Variants in PDE6B observed in about 807,000 individuals in gnomAD.
The protein encoded by PDE6B is rod cGMP-specific 3',5'-cyclic phosphodiesterase subunit beta.
In PDE6B, 106 loss-of-function variants were observed where a neutral mutation model predicts 109.0. That is an observed-to-expected ratio of 0.97 (90% CI 0.83 to 1.14). The LOEUF (loss-of-function observed/expected upper bound fraction) is 1.14, where lower values mean the gene tolerates loss of function less well. Among genes scored for constraint, PDE6B ranks in the 50% most tolerant of loss-of-function variants. The pLI is 0.00. For missense variants in PDE6B, 1,193 were observed against 1,155.6 expected (o/e 1.03, Z -0.47); for synonymous variants, 490 against 471.3 (o/e 1.04, Z -0.51).
rs755908415 is a variant in PDE6B at position 667,970 on chromosome 4, GAGA to G, written c.2470_2472del (p.Lys824del). The G allele has an allele frequency of 1.3e-5, 21 of 1,612,878 alleles. No individual in the cohort carries two copies. The highest frequency in any genetic ancestry group is 3.3e-5 in the South Asian group (3 of 90,932). On this transcript the variant is annotated inframe_deletion, in exon 21 of 22. Transcript: ENST00000496514. ...TGAGGCCAAAGTGAAGGCTCTGGAG[GAGA>G]AGGAGGAGGAGGAGAGGGTGGCAGC... is the stretch of plus-strand genomic sequence containing the variant.
chr4:663,252 G>T lies in PDE6B; in HGVS notation c.1920+65G>T, dbSNP rs1737339299. 1.1e-6 allele frequency: 1 copy of T among 924,184 alleles called. No individual in the cohort carries two copies. The highest frequency in any genetic ancestry group is 1.7e-5 in the Admixed American group (1 of 58,642). 57.2% of individuals were successfully genotyped at this position (924,184 alleles called of 1,614,324 possible). A position where few individuals can be genotyped will look rare whatever the true frequency, so the allele number is the denominator to read the frequency against. ...GGACGCAGCGTCCGCAGGACGGCAG[G>T]GCCGTATCCTGCGGAGCAGGGTTCT... On this transcript the variant is annotated intron_variant, in intron 15 of 21. Transcript: ENST00000496514. This position sits in a 1 kb window ranked among gnomAD's most constrained non-coding sequence, Gnocchi z 4.0.
chr4:627,928 C>T (rs948562589), intron 1 of PDE6B, among the ~76,000 whole-genome samples: 8 of 151,970 alleles, frequency 5.3e-5, no homozygotes, highest in Non-Finnish European at 7.4e-5. Flanking sequence ...GTCCTAGGTC[C>T]GTCCCTCGGC....
Position 656,820 on chromosome 4 carries a change from C to G in PDE6B, c.1108-54C>G, listed in dbSNP as rs1183845892. 9 of 1,593,554 alleles carry G rather than the reference C, an allele frequency of 5.6e-6. No homozygotes were observed. In the East Asian group the frequency reaches 6.7e-5, roughly 12 times the overall value. On this transcript the variant is annotated intron_variant, in intron 8 of 21. Coordinates refer to ENST00000496514, the MANE Select transcript of PDE6B (RefSeq NM_000283.4). ...GAGGTCACTCTCCCCGGCCACACGC[C>G]CGGGCCAGGGCCAGCCTCAGGGCGG...
chr4:656,348 A>G, intron 8 of PDE6B, 56 bp downstream of exon 8: 1 of 1,150,886 alleles, frequency 8.7e-7, no homozygotes. Flanking sequence ...GGAGATTTTG[A>G]TTCAGCGATG....
In PDE6B at chr4:659,094, G is replaced by A. The variant is rs10023609; in HGVS notation, c.1467+77G>A. The A allele has an allele frequency of 6.8e-3, 7,331 of 1,070,852 alleles. 347 individuals are homozygous for A. The African/African-American group carries it at 0.1, about 15-fold the overall frequency. 66.3% of individuals were successfully genotyped at this position (1,070,852 alleles called of 1,614,324 possible). On this transcript the variant is annotated intron_variant, in intron 11 of 21. Coordinates refer to ENST00000496514, the MANE Select transcript of PDE6B (RefSeq NM_000283.4). ...GGGAGGAAGAGTTCTGCATTCTCCGGGACCCGACGGTGCTTTGCACACACG... is the reference window on the plus strand; with the variant it reads ...GGGAGGAAGAGTTCTGCATTCTCCGAGACCCGACGGTGCTTTGCACACACG...
intron 3 of PDE6B, among the ~76,000 whole-genome samples, chr4:643,091 C>T (rs544578847): frequency 1.7e-4 from 26 of 152,068 alleles, no homozygotes; most frequent in African/African-American, 5.5e-4. Flanking sequence ...GGGCGGATCA[C>T]GAGGTCAAGA....
At position 670,104 on chromosome 4, in the gene PDE6B, G is replaced by A. The variant is rs2109297456; in HGVS notation, c.2562G>A (p.Leu854=). Residue 854 remains leucine, a synonymous_variant, in exon 22 of 22, where the codon CTG becomes CTA. Coordinates refer to ENST00000496514, the MANE Select transcript of PDE6B (RefSeq NM_000283.4). The part of the protein sequence containing the change: ...PAPKSSTCCI[L] ...CCAAGTCTTCAACCTGCTGTATCCT[G>A]TGAGCACTGGTCCCATGGGGACCCT... The A allele has an allele frequency of 1.9e-6, 3 of 1,612,480 alleles. 1 individual carries two copies. The highest frequency in any genetic ancestry group is 4.5e-5 in the East Asian group (2 of 44,878).
Position 626,004 on chromosome 4 carries a change from C to G in PDE6B, c.378C>G (p.Pro126=). ...DSVLEDCLVP[P]DSEIVFPLDI... The stretch of plus-strand genomic sequence containing the variant: ...TCCTGGAGGACTGCCTGGTGCCCCC[C>G]GACTCCGAGATCGTCTTCCCACTGG... Residue 126 remains proline (P), a synonymous_variant, in exon 1 of 22, where the codon CCC becomes CCG. Transcript: ENST00000496514. This position sits in a 1 kb window ranked among gnomAD's most constrained non-coding sequence, Gnocchi z 4.6. 1 of 1,585,928 alleles carries G rather than the reference C, an allele frequency of 6.3e-7. No homozygotes were observed. The highest frequency in any genetic ancestry group is 1.1e-5 in the South Asian group (1 of 87,458).
intron 3 of PDE6B, among the ~76,000 whole-genome samples, chr4:638,196 G>A (rs1472820393): frequency 1.3e-5 from 2 of 152,190 alleles, no homozygotes; most frequent in African/African-American, 2.4e-5. Flanking sequence ...GACAGATGAT[G>A]TCGCACGTCT....
At chr4:657,571 C>T in intron 10 of PDE6B, 77 bp downstream of exon 10, 1 of 1,456,928 alleles carries the variant, frequency 6.9e-7, no homozygotes, top group South Asian at 1.1e-5. Context: ...CAGGGGTCAC[C>T]CAGGGGTCTC....
In PDE6B at chr4:648,452, T is replaced by G. The variant is rs1735318544; in HGVS notation, c.712-5400T>G. 6.6e-6 allele frequency among the ~76,000 whole-genome samples: 1 copy of G among 152,182 alleles called. No individual in the cohort carries two copies. Among genetic ancestry groups the G allele is most frequent in the Non-Finnish European group, 1.5e-5 (1 of 68,036 alleles). On this transcript the variant is annotated intron_variant, in intron 3 of 21. Coordinates refer to ENST00000496514, the MANE Select transcript of PDE6B (RefSeq NM_000283.4). This position sits in a 1 kb window ranked among gnomAD's most constrained non-coding sequence, Gnocchi z 4.5. ...CCCGCAGTCCGCCCAACGCCTGCAC[T>G]TCGTCTGCCTCCTCCTTGAGCTGTG...
intron 17 of PDE6B, among the ~76,000 whole-genome samples, 196 bp from the exon 18 acceptor site, chr4:664,685 G>T (rs527246130): frequency 6.6e-6 from 1 of 152,144 alleles, no homozygotes; most frequent in Non-Finnish European, 1.5e-5. Flanking sequence ...GCGTGGTGGC[G>T]GGCGCCTGTA....
rs1043016894 is a variant in PDE6B, at chr4:663,027, T to TG, written c.1833-66dup. On this transcript the variant is annotated intron_variant, in intron 14 of 21. Coordinates refer to ENST00000496514, the MANE Select transcript of PDE6B (RefSeq NM_000283.4). The surrounding 1 kb of genome is among the most constrained non-coding windows in gnomAD (Gnocchi z 4.0). ...CAAAAAAAAGAAAGTGGGGCCCATC[T>TG]GGGGGGGCTGCAGAGCGCAGGGTGG... 37 of 863,290 alleles carry TG rather than the reference T, an allele frequency of 4.3e-5. No individual in the cohort carries two copies. Among genetic ancestry groups the TG allele is most frequent in the East Asian group, 1.2e-4 (5 of 41,492 alleles). The allele number at this position is 863,290 out of a possible 1,614,324, so 53.5% of individuals were successfully genotyped here. A position where few individuals can be genotyped will look rare whatever the true frequency, so the allele number is the denominator to read the frequency against.
At position 657,501 on chromosome 4, in the gene PDE6B, C is replaced by CA. The variant is rs537010934; in HGVS notation, c.1401+7_1401+8insA. On this transcript the variant is annotated splice_region_variant and intron_variant, in intron 10 of 21. Coordinates refer to ENST00000496514, the MANE Select transcript of PDE6B (RefSeq NM_000283.4). ...CGAGATCCAGCTCATCCTGGTGCGG[C>CA]GGGGCAGGACGTCCAGGGGTCACCC... 1,281 of 1,465,168 alleles carry CA rather than the reference C, an allele frequency of 8.7e-4. 3 individuals carry two copies. Among genetic ancestry groups the CA allele is most frequent in the Non-Finnish European group, 1.1e-3 (1,197 of 1,050,004 alleles). The allele number at this position is 1,465,168 out of a possible 1,614,324, so 90.8% of individuals were successfully genotyped here. A position where few individuals can be genotyped will look rare whatever the true frequency, so the allele number is the denominator to read the frequency against.
chr4:653,599 C>G, intron 3 of PDE6B: 2 of 589,828 alleles, frequency 3.4e-6, no homozygotes, highest in Non-Finnish European at 6.0e-6. Context: ...TTCCACTCGT[C>G]CACTCCTGAG....
In PDE6B at chr4:655,975, G is replaced by A; in HGVS notation, c.1028G>A (p.Gly343Asp). Residue 343 changes from glycine (G) to aspartate (D), a missense_variant, in exon 7 of 22, where the codon GGC (glycine) becomes GAC (aspartate). Transcript: ENST00000496514. ...PSADHWALAS[G>D]LPSYVAESGF... ...GCCGATCACTGGGCCCTGGCCAGCG[G>A]CCTTCCAAGCTACGTGGCAGAAAGC... The A allele has an allele frequency of 6.2e-7, 1 of 1,611,186 alleles. No homozygotes were observed. The highest frequency in any genetic ancestry group is 8.5e-7 in the Non-Finnish European group (1 of 1,177,678).
At position 667,898 on chromosome 4, in the gene PDE6B, C is replaced by T. The variant is rs970990957; in HGVS notation, c.2395C>T (p.Arg799Ter). The change falls in exon 21 of 22, where the codon CGA becomes TGA. Residue 799 changes from arginine to a stop codon, truncating the protein, a stop_gained. Transcript: ENST00000496514. LOFTEE classifies it high-confidence loss of function. ...FHEEILPMFD[R>*]LQNNRKEWKA... is the part of the protein sequence containing the mutation. ...CGAAGAGATCCTGCCCATGTTCGAC[C>T]GACTGCAGAACAATAGGAAAGAGTG... 1.1e-5 allele frequency: 17 copies of T among 1,613,456 alleles called. No homozygotes were observed. The highest frequency in any genetic ancestry group is 1.3e-5 in the African/African-American group (1 of 75,002).
In PDE6B at chr4:667,858, GT is replaced by G. The variant is rs1258015033; in HGVS notation, c.2357del (p.Phe786SerfsTer33). ...GGTGACTTCTCGACTCCCCTCAGGA[GT>G]TCTCTCGTTTCCACGAAGAGATCCT... The part of the protein sequence containing the change: ...DFVCTFVYKE[F>X]SRFHEEILPM... On this transcript the variant is annotated frameshift_variant, in exon 21 of 22. Transcript: ENST00000496514. LOFTEE classifies it high-confidence loss of function. 1 of 1,613,022 alleles carries G rather than the reference GT, an allele frequency of 6.2e-7. No homozygotes were observed. Among genetic ancestry groups the G allele is most frequent in the Non-Finnish European group, 8.5e-7 (1 of 1,179,426 alleles).
chr4:638,992 G>A (rs1734820542), intron 3 of PDE6B, among the ~76,000 whole-genome samples: 3 of 152,182 alleles, frequency 2.0e-5, no homozygotes, highest in Admixed American at 2.0e-4. Flanking sequence ...CAGGGTCCCA[G>A]GGAAAAGCTG....
Sources: gnomAD v4.1 joint callset for allele counts (sites outside exome capture counted in the v4.1 genomes callset) on GRCh38, gnomAD v4.1.1 for gene constraint, Gnocchi (gnomAD v3.1) non-coding constraint, MANE v1.5 for transcripts, NCBI Gene and HGNC (gene_info 2026-07-23, HGNC 2026-07-21) for gene names.